PDE6H: variants seen among roughly 807,000 people sequenced by gnomAD.
PDE6H encodes phosphodiesterase 6H.
A neutral mutation model predicts 9.2 loss-of-function variants in PDE6H; 11 were observed. The ratio of observed to expected loss-of-function variants is 1.19; its 90% CI spans 0.75 to 1.97. The LOEUF (loss-of-function observed/expected upper bound fraction) is 1.97. Among genes scored for constraint, PDE6H ranks in the 30% most tolerant of loss-of-function variants. PDE6H has a pLI of 0.00. For synonymous variants in PDE6H, 36 were observed against 33.6 expected (o/e 1.07, Z -0.25); for missense variants, 98 against 101.5 (o/e 0.97, Z 0.15).
Position 14,979,190 on chromosome 12 carries a change from A to G in PDE6H, c.146A>G (p.Asp49Gly). The G allele has an allele frequency of 1.2e-6, 2 of 1,608,580 alleles. No individual in the cohort carries two copies. The highest frequency in any genetic ancestry group is 2.2e-5 in the East Asian group (1 of 44,810). The change falls in exon 3 of 4, where the codon GAC becomes GGC. Residue 49 changes from aspartate to glycine, a missense_variant. Transcript: ENST00000266395. The part of the protein sequence containing the change: ...PKKGVKGFGD[D>G]IPGMEGLGTD... ...ATTCTTTTCCATAGATTTGGAGATG[A>G]CATTCCAGGAATGGAGGGGCTAGGA...
chr12:14,979,173 C>T lies in PDE6H; in HGVS notation c.135-6C>T, dbSNP rs751449397. The stretch of plus-strand genomic sequence containing the variant: ...CAGCTAATTTCTCCTTTATTCTTTT[C>T]CATAGATTTGGAGATGACATTCCAG... On this transcript the variant is annotated splice_region_variant and splice_polypyrimidine_tract_variant and intron_variant, in intron 2 of 3. Transcript: ENST00000266395. The T allele has an allele frequency of 6.2e-7, 1 of 1,601,436 alleles. No homozygotes were observed. The highest frequency in any genetic ancestry group is 8.6e-7 in the Non-Finnish European group (1 of 1,168,700).
chr12:14,981,619 A>G lies in PDE6H; in HGVS notation c.*143A>G, dbSNP rs1248785701. ...AGGTCATTCCCTATCAGTTACTACT[A>G]AGAGTTCTCTTACTGTCAGAATCTC... On this transcript the variant is annotated 3_prime_UTR_variant, in exon 4 of 4. Coordinates refer to ENST00000266395, the MANE Select transcript of PDE6H (RefSeq NM_006205.3). 10 of 701,668 alleles carry G rather than the reference A, an allele frequency of 1.4e-5. No homozygotes were observed. Among genetic ancestry groups the G allele is most frequent in the African/African-American group, 8.8e-5 (5 of 57,090 alleles). 43.5% of individuals were successfully genotyped at this position (701,668 alleles called of 1,614,324 possible).
At chr12:14,976,441 A>C (rs569804508) in intron 1 of PDE6H, among the ~76,000 whole-genome samples, 1 of 152,222 alleles carries the variant, frequency 6.6e-6, no homozygotes, top group African/African-American at 2.4e-5. Context: ...GAAGTTATAG[A>C]ATATGAGGTT....
intron 3 of PDE6H, among the ~76,000 whole-genome samples, chr12:14,980,213 T>A (rs12306284): frequency 6.6e-6 from 1 of 151,988 alleles, no homozygotes; most frequent in Non-Finnish European, 1.5e-5. Flanking sequence ...CAGAATGTCA[T>A]ATAGTTAGAC....
intron 1 of PDE6H, among the ~76,000 whole-genome samples, chr12:14,973,468 T>C (rs2120813832): frequency 6.6e-6 from 1 of 152,058 alleles, no homozygotes; most frequent in Admixed American, 6.5e-5. Flanking sequence ...GCCTGCAAAC[T>C]TGGCCCAGGA....
At chr12:14,975,764 G>T (rs1200740723) in intron 1 of PDE6H, among the ~76,000 whole-genome samples, 1 of 151,944 alleles carries the variant, frequency 6.6e-6, no homozygotes, top group Non-Finnish European at 1.5e-5. Context: ...GAAGTCAAAG[G>T]GTCAGGATCT....
Position 14,981,775 on chromosome 12 carries a change from G to A in PDE6H, c.*299G>A. The A allele has an allele frequency of 2.1e-6, 1 of 476,648 alleles. No individual in the cohort carries two copies. Among genetic ancestry groups the A allele is most frequent in the East Asian group, 4.0e-5 (1 of 25,026 alleles). The allele number at this position is 476,648 out of a possible 1,614,324, so 29.5% of individuals were successfully genotyped here. A position where few individuals can be genotyped will look rare whatever the true frequency, so the allele number is the denominator to read the frequency against. On this transcript the variant is annotated 3_prime_UTR_variant, in exon 4 of 4. Transcript: ENST00000266395. ...AGTCCTTTAAATCTATTTTTGCTAG[G>A]CATTCATTATGATTAATAGTAGACT...
chr12:14,978,017 G>C lies in PDE6H; in HGVS notation c.5G>C (p.Ser2Thr), dbSNP rs1864622283. Residue 2 changes from serine (S) to threonine (T), a missense_variant, in exon 2 of 4, where the codon AGT (serine) becomes ACT (threonine). Coordinates refer to ENST00000266395, the MANE Select transcript of PDE6H (RefSeq NM_006205.3). ...AGCCGCCCGGGGGGAGTTAAAATGA[G>C]TGACAACACTACTCTGCCTGCTCCA... MSDNTTLPAPAS... is the reference protein window; with the variant it reads MTDNTTLPAPAS... 1.2e-6 allele frequency: 2 copies of C among 1,613,248 alleles called. No homozygotes were observed. The highest frequency in any genetic ancestry group is 2.7e-5 in the African/African-American group (2 of 74,860).
intron 1 of PDE6H, 41 bp from the exon 2 acceptor site, chr12:14,977,931 G>A: frequency 7.3e-7 from 1 of 1,369,504 alleles, no homozygotes; most frequent in South Asian, 1.2e-5. Context: ...TGGTCCCCAT[G>A]ACTTGAAAGA....
At chr12:14,979,295 GC>G in intron 3 of PDE6H, 76 bp downstream of exon 3, 1 of 927,568 alleles carries the variant, frequency 1.1e-6, no homozygotes. Flanking sequence ...GCCTCAAGGG[GC>G]AGTTGAAAGT....
At chr12:14,976,478 A>G (rs1035855500) in intron 1 of PDE6H, among the ~76,000 whole-genome samples, 3 of 152,196 alleles carry the variant, frequency 2.0e-5, no homozygotes, top group African/African-American at 7.2e-5. Context: ...TGGCCAGTAA[A>G]GAGAGTCATT....
chr12:14,979,522 C>T (rs185549454), intron 3 of PDE6H, among the ~76,000 whole-genome samples: 14 of 152,218 alleles, frequency 9.2e-5, no homozygotes, highest in African/African-American at 2.6e-4. Context: ...TTTCATAATT[C>T]ATCTCCCCAA....
chr12:14,973,250 C>T (rs1864546084), intron 1 of PDE6H, among the ~76,000 whole-genome samples, 164 bp downstream of exon 1: 1 of 152,172 alleles, frequency 6.6e-6, no homozygotes, highest in East Asian at 1.9e-4. Context: ...GAGATACATG[C>T]AGACCTTCTT....
rs1195804790 is a variant in PDE6H at position 14,981,379 on chromosome 12, CTCT to C, written c.176-15_176-13del. ...TCTTGGGGTGAGGTTGGCTTACGTG[CTCT>C]TCTTCCATCTCTTGCAGATATCACA... On this transcript the variant is annotated intron_variant, in intron 3 of 3. Coordinates refer to ENST00000266395, the MANE Select transcript of PDE6H (RefSeq NM_006205.3). 1 of 1,551,964 alleles carries C rather than the reference CTCT, an allele frequency of 6.4e-7. No individual in the cohort carries two copies. Among genetic ancestry groups the C allele is most frequent in the South Asian group, 1.1e-5 (1 of 89,776 alleles).
At position 14,979,187 on chromosome 12, in the gene PDE6H, A is replaced by G. The variant is rs1177621340; in HGVS notation, c.143A>G (p.Asp48Gly). Residue 48 changes from aspartate to glycine, a missense_variant, in exon 3 of 4, where the codon GAT (aspartate) becomes GGT (glycine). By Grantham distance (94) the Asp-to-Gly change is moderately conservative. Transcript: ENST00000266395. ...TTTATTCTTTTCCATAGATTTGGAG[A>G]TGACATTCCAGGAATGGAGGGGCTA... ...PPKKGVKGFGDDIPGMEGLGT... is the reference protein window; with the variant it reads ...PPKKGVKGFGGDIPGMEGLGT... 1.2e-6 allele frequency: 2 copies of G among 1,608,332 alleles called. No homozygotes were observed. Among genetic ancestry groups the G allele is most frequent in the South Asian group, 2.2e-5 (2 of 90,912 alleles).
intron 1 of PDE6H, among the ~76,000 whole-genome samples, chr12:14,973,478 A>G (rs1248389244): frequency 1.3e-5 from 2 of 152,110 alleles, no homozygotes; most frequent in Non-Finnish European, 2.9e-5. Flanking sequence ...TTGGCCCAGG[A>G]TGGTGTGAGT....
Position 14,979,105 on chromosome 12 carries a change from A to G in PDE6H, c.135-74A>G. The G allele has an allele frequency of 4.2e-6, 4 of 945,450 alleles. No homozygotes were observed. In the South Asian group the frequency reaches 5.4e-5, roughly 13 times the overall value. The allele number at this position is 945,450 out of a possible 1,614,324, so 58.6% of individuals were successfully genotyped here. ...CTCCTTCTTCCCCCTTGAATCAAGAAACTCTCCATGTGAGTGACTCCAAAA... is the reference window on the plus strand; with the variant it reads ...CTCCTTCTTCCCCCTTGAATCAAGAGACTCTCCATGTGAGTGACTCCAAAA... On this transcript the variant is annotated intron_variant, in intron 2 of 3. Transcript: ENST00000266395.
intron 1 of PDE6H, among the ~76,000 whole-genome samples, chr12:14,975,152 G>A (rs1864572684): frequency 6.6e-6 from 1 of 152,164 alleles, no homozygotes. Flanking sequence ...TTTGACAAAT[G>A]AGGGTCACTT....
rs1864566237 is a variant in PDE6H, at chr12:14,974,678, G to A, written c.-42+1592G>A. Among the ~76,000 whole-genome samples the A allele has an allele frequency of 1.3e-5, 2 of 152,196 alleles. 1 individual carries two copies. The highest frequency in any genetic ancestry group is 4.1e-4 in the South Asian group (2 of 4,832). ...CTGTTGGGGTGTCAAAGGAATTCAA[G>A]GAAAGCTTCTTAAGACAGAATTTTA... On this transcript the variant is annotated intron_variant, in intron 1 of 3. Coordinates refer to ENST00000266395, the MANE Select transcript of PDE6H (RefSeq NM_006205.3).
Sources: gnomAD v4.1 joint callset for allele counts (sites outside exome capture counted in the v4.1 genomes callset) on GRCh38, gnomAD v4.1.1 for gene constraint, MANE v1.5 for transcripts, NCBI Gene and HGNC (gene_info 2026-07-23, HGNC 2026-07-21) for gene names.